The following LPCAT1 variants were observed in gnomAD, a reference collection of about 807,000 sequenced individuals.
LPCAT1 encodes 1-acylglycerol-3-phosphate O-acyltransferase.
In LPCAT1, 23 loss-of-function variants were observed where a neutral mutation model predicts 60.9. The ratio of observed to expected loss-of-function variants is 0.38; its 90% CI spans 0.27 to 0.53. LPCAT1 has a LOEUF of 0.53. Ranked by LOEUF, LPCAT1 falls within the 20% of genes least tolerant of loss-of-function variation. The pLI is 0.82. For missense variants in LPCAT1, 622 were observed against 723.6 expected (o/e 0.86, Z 1.61); for synonymous variants, 340 against 301.1 (o/e 1.13, Z -1.34).
chr5:1,483,428 C>T lies in LPCAT1; in HGVS notation c.726G>A (p.Leu242=). Reference sequence around the variant, plus strand: ...CTGACCCCAAAAAAACACAACTCACCAGTTTATTTGGATATCGTAAAACCA... The same window carrying T: ...CTGACCCCAAAAAAACACAACTCACTAGTTTATTTGGATATCGTAAAACCA... ...QPVVLRYPNK[L]DTITWTWQGP... Residue 242 remains leucine (L), a splice_region_variant and synonymous_variant, in exon 6 of 14, where the codon CTG becomes CTA. Transcript: ENST00000283415. The surrounding 1 kb of genome is among the most constrained non-coding windows in gnomAD (Gnocchi z 9.2). 6.2e-7 allele frequency: 1 copy of T among 1,613,768 alleles called. No individual in the cohort carries two copies. Among genetic ancestry groups the T allele is most frequent in the Non-Finnish European group, 8.5e-7 (1 of 1,180,026 alleles).
rs1232254213 is a variant in LPCAT1 at position 1,495,666 on chromosome 5, G to A, written c.279-752C>T. 6.6e-6 allele frequency among the ~76,000 whole-genome samples: 1 copy of A among 152,212 alleles called. No individual in the cohort carries two copies. On this transcript the variant is annotated intron_variant, in intron 2 of 13. Transcript: ENST00000283415. The surrounding 1 kb of genome is among the most constrained non-coding windows in gnomAD (Gnocchi z 4.7). ...AGCAGACAGCCACGGTGTGTGAGAAGCCACAGGTCAGGCACACAGAGAACA... is the reference window on the plus strand; with the variant it reads ...AGCAGACAGCCACGGTGTGTGAGAAACCACAGGTCAGGCACACAGAGAACA...
chr5:1,467,737 T>TGTGGCAGCGCTTTCCTCTGAG (rs1218026663), intron 12 of LPCAT1, among the ~76,000 whole-genome samples: 13 of 151,226 alleles, frequency 8.6e-5, no homozygotes, highest in African/African-American at 2.7e-4. Flanking sequence ...CCACGGGCTC[T>TGTGGCAGCGCTTTCCTCTGAG]GTGGCAGCGC....
At chr5:1,517,783 C>T (rs1190006451) in intron 1 of LPCAT1, among the ~76,000 whole-genome samples, 1 of 152,162 alleles carries the variant, frequency 6.6e-6, no homozygotes, top group African/African-American at 2.4e-5. Context: ...GGAACAGAGG[C>T]GACGTGTCAA....
intron 1 of LPCAT1, among the ~76,000 whole-genome samples, chr5:1,504,935 A>C (rs1736137113): frequency 6.6e-6 from 1 of 152,196 alleles, no homozygotes; most frequent in African/African-American, 2.4e-5. Flanking sequence ...CAACTCTGCT[A>C]CAACACTGCT....
chr5:1,512,842 A>G (rs1174947214), intron 1 of LPCAT1, among the ~76,000 whole-genome samples: 1 of 152,232 alleles, frequency 6.6e-6, no homozygotes, highest in South Asian at 2.1e-4. Flanking sequence ...ACAATTCCTG[A>G]GCACCTGCAA....
At chr5:1,479,805 G>A (rs901450464) in intron 7 of LPCAT1, 130 bp from the exon 8 acceptor site, 15 of 705,604 alleles carry the variant, frequency 2.1e-5, no homozygotes, top group South Asian at 3.2e-5. Flanking sequence ...ACGCTCCCAC[G>A]GAGGGGGTGC....
rs989813365 is a variant in LPCAT1, at chr5:1,483,662, C to T, written c.668-176G>A. Among the ~76,000 whole-genome samples, 4 of 152,232 alleles carry T rather than the reference C, an allele frequency of 2.6e-5. No individual in the cohort carries two copies. The highest frequency in any genetic ancestry group is 6.5e-5 in the Admixed American group (1 of 15,280). On this transcript the variant is annotated intron_variant, in intron 5 of 13. Transcript: ENST00000283415. The surrounding 1 kb of genome is among the most constrained non-coding windows in gnomAD (Gnocchi z 9.2). ...ATCTGTCCTGACCGTAAACACCCAG[C>T]GCCACAGCACGGATGGGCAGGAACA...
Position 1,502,701 on chromosome 5 carries a change from A to G in LPCAT1, c.136-1098T>C, listed in dbSNP as rs897527784. 6.6e-6 allele frequency among the ~76,000 whole-genome samples: 1 copy of G among 152,100 alleles called. No homozygotes were observed. On this transcript the variant is annotated intron_variant, in intron 1 of 13. Coordinates refer to ENST00000283415, the MANE Select transcript of LPCAT1 (RefSeq NM_024830.5). The surrounding 1 kb of genome is among the most constrained non-coding windows in gnomAD (Gnocchi z 5.5). The stretch of plus-strand genomic sequence containing the variant: ...GTCCTGAGGTGCAGGTTTAGTGCAG[A>G]GACAGAAAAGACCCAGGAGACACAG...
In LPCAT1 at chr5:1,477,370, G is replaced by C; in HGVS notation, c.899+34C>G. ...GAGCAGCACTCTGGGAGACACCCCT[G>C]ACTCGGCGATGGGGGAAGGAGCTGC... On this transcript the variant is annotated intron_variant, in intron 9 of 13. Transcript: ENST00000283415. The surrounding 1 kb of genome is among the most constrained non-coding windows in gnomAD (Gnocchi z 6.0). 2 of 1,577,172 alleles carry C rather than the reference G, an allele frequency of 1.3e-6. No individual in the cohort carries two copies. The highest frequency in any genetic ancestry group is 1.1e-5 in the South Asian group (1 of 90,200).
chr5:1,465,989 C>G (rs908888707), intron 13 of LPCAT1, among the ~76,000 whole-genome samples: 1 of 152,240 alleles, frequency 6.6e-6, no homozygotes, highest in Non-Finnish European at 1.5e-5. Flanking sequence ...CTCCGGCTCC[C>G]GCACAGACGC....
In LPCAT1 at chr5:1,477,721, G is replaced by A. The variant is rs570470294; in HGVS notation, c.817-235C>T. On this transcript the variant is annotated intron_variant, in intron 8 of 13. Coordinates refer to ENST00000283415, the MANE Select transcript of LPCAT1 (RefSeq NM_024830.5). The surrounding 1 kb of genome is among the most constrained non-coding windows in gnomAD (Gnocchi z 6.0). ...TCATTGGTGCTCCCTGGGAGCACCT[G>A]CTGCCTACATCAGAACATCTGGCTC... Among the ~76,000 whole-genome samples, 3 of 152,170 alleles carry A rather than the reference G, an allele frequency of 2.0e-5. No individual in the cohort carries two copies. The highest frequency in any genetic ancestry group is 2.9e-5 in the Non-Finnish European group (2 of 67,990).
chr5:1,504,497 G>A (rs527360971), intron 1 of LPCAT1, among the ~76,000 whole-genome samples: 49 of 152,206 alleles, frequency 3.2e-4, no homozygotes, highest in African/African-American at 1.1e-3. Context: ...TGGGAGGATC[G>A]CCTGCGGTCG....
intron 1 of LPCAT1, among the ~76,000 whole-genome samples, chr5:1,507,231 C>T (rs1395598961): frequency 6.6e-6 from 1 of 152,188 alleles, no homozygotes; most frequent in East Asian, 1.9e-4. Flanking sequence ...TGCAACCTGG[C>T]CCTCCCAAGA....
chr5:1,523,867 C>G lies in LPCAT1; in HGVS notation c.-23G>C, dbSNP rs1736752335. On this transcript the variant is annotated 5_prime_UTR_variant, in exon 1 of 14. Coordinates refer to ENST00000283415, the MANE Select transcript of LPCAT1 (RefSeq NM_024830.5). This position sits in a 1 kb window ranked among gnomAD's most constrained non-coding sequence, Gnocchi z 7.1. ...CATGGCCGCGCCGTCCCGCGGCGAGCGCAGCCGAGCTGCCTGGGGCGCCGA... is the reference window on the plus strand; with the variant it reads ...CATGGCCGCGCCGTCCCGCGGCGAGGGCAGCCGAGCTGCCTGGGGCGCCGA... The G allele has an allele frequency of 9.6e-7, 1 of 1,042,268 alleles. No individual in the cohort carries two copies. Among genetic ancestry groups the G allele is most frequent in the Non-Finnish European group, 1.2e-6 (1 of 868,392 alleles). The allele number at this position is 1,042,268 out of a possible 1,614,324, so 64.6% of individuals were successfully genotyped here.
At chr5:1,492,087 G>T (rs1971941) in intron 3 of LPCAT1, among the ~76,000 whole-genome samples, 19,969 of 150,122 alleles carry the variant, frequency 0.13, 1,494 homozygotes, top group Middle Eastern at 0.19. Flanking sequence ...ATGTCTCTGA[G>T]CTGGAAACCA....
chr5:1,466,884 C>T lies in LPCAT1; in HGVS notation c.1285G>A (p.Gly429Arg). The change falls in exon 13 of 14, where the codon GGA (glycine) becomes AGA (arginine). Residue 429 changes from glycine to arginine, a missense_variant. Coordinates refer to ENST00000283415, the MANE Select transcript of LPCAT1 (RefSeq NM_024830.5). ...CCGACGCTGCCGTCCTCTTGCGCTCCGTACATCTGCAAGGCAAACTGGGTG... is the reference window on the plus strand; with the variant it reads ...CCGACGCTGCCGTCCTCTTGCGCTCTGTACATCTGCAAGGCAAACTGGGTG... ...DTIQLAFKMY[G>R]AQEDGSVGEG... 6.3e-7 allele frequency: 1 copy of T among 1,589,854 alleles called. No individual in the cohort carries two copies.
chr5:1,475,957 C>T (rs532965380), intron 9 of LPCAT1, among the ~76,000 whole-genome samples: 4 of 152,286 alleles, frequency 2.6e-5, no homozygotes, highest in South Asian at 2.1e-4. Flanking sequence ...GTTTTGCTGA[C>T]GGTGGCAGAC....
At chr5:1,504,150 G>T (rs955022670) in intron 1 of LPCAT1, among the ~76,000 whole-genome samples, 2 of 152,240 alleles carry the variant, frequency 1.3e-5, no homozygotes, top group Non-Finnish European at 2.9e-5. Flanking sequence ...CTTATTTCCT[G>T]ATAGTCACAT....
chr5:1,481,382 C>G lies in LPCAT1; in HGVS notation c.727-406G>C, dbSNP rs1735135050. 6.6e-6 allele frequency among the ~76,000 whole-genome samples: 1 copy of G among 152,220 alleles called. No individual in the cohort carries two copies. The highest frequency in any genetic ancestry group is 6.5e-5 in the Admixed American group (1 of 15,284). On this transcript the variant is annotated intron_variant, in intron 6 of 13. Coordinates refer to ENST00000283415, the MANE Select transcript of LPCAT1 (RefSeq NM_024830.5). The surrounding 1 kb of genome is among the most constrained non-coding windows in gnomAD (Gnocchi z 7.8). ...CCAATTCCAGTGTGCACCCGGGACCCCGGCCCTCTCCTGCCCACCGCTCTC... is the reference window on the plus strand; with the variant it reads ...CCAATTCCAGTGTGCACCCGGGACCGCGGCCCTCTCCTGCCCACCGCTCTC...
Sources: allele counts gnomAD v4.1 joint callset (sites outside exome capture counted in the v4.1 genomes callset), GRCh38; gene constraint gnomAD v4.1.1; non-coding constraint Gnocchi (gnomAD v3.1); transcripts MANE v1.5; gene names NCBI Gene and HGNC (gene_info 2026-07-23, HGNC 2026-07-21).